EBF2: variants seen among roughly 807,000 people sequenced by gnomAD.
EBF2 encodes transcription factor COE2.
A neutral mutation model predicts 72.8 loss-of-function variants in EBF2; 21 were observed. The observed-to-expected ratio is 0.29, with a 90% CI of 0.20 to 0.42. The LOEUF is 0.42. EBF2 is among the 10% of genes least tolerant of loss of function. The pLI is 1.00. For synonymous variants in EBF2, 299 were observed against 274.2 expected (o/e 1.09, Z -0.89); for missense variants, 637 against 731.2 (o/e 0.87, Z 1.49).
intron 13 of EBF2, among the ~76,000 whole-genome samples, chr8:25,859,609 T>C (rs1440175767): frequency 1.3e-5 from 2 of 152,138 alleles, no homozygotes; most frequent in East Asian, 3.9e-4. Context: ...TTACTGTCTC[T>C]AAAACTATAT....
At chr8:25,859,910 T>C (rs1277586264) in intron 13 of EBF2, among the ~76,000 whole-genome samples, 2 of 151,730 alleles carry the variant, frequency 1.3e-5, no homozygotes, top group Non-Finnish European at 2.9e-5. Flanking sequence ...AGACACAGGG[T>C]TTCACCATGC....
chr8:26,036,364 TA>T (rs1805500724), intron 5 of EBF2, among the ~76,000 whole-genome samples: 1 of 152,130 alleles, frequency 6.6e-6, no homozygotes, highest in South Asian at 2.1e-4. Context: ...TTTCCAACAG[TA>T]ACATATTTAA....
chr8:25,992,165 C>G (rs1458267283), intron 6 of EBF2, among the ~76,000 whole-genome samples: 2 of 151,642 alleles, frequency 1.3e-5, no homozygotes, highest in South Asian at 2.1e-4. Context: ...CAGGTGAAAC[C>G]CTGTCTCTGC....
intron 6 of EBF2, among the ~76,000 whole-genome samples, chr8:25,981,747 G>A (rs1804364624): frequency 6.7e-6 from 1 of 148,764 alleles, no homozygotes; most frequent in Non-Finnish European, 1.5e-5. Flanking sequence ...AGTGAGCTAA[G>A]ATGGCACCAC....
intron 6 of EBF2, among the ~76,000 whole-genome samples, chr8:26,002,694 G>C (rs1804751012): frequency 6.6e-6 from 1 of 152,180 alleles, no homozygotes; most frequent in Admixed American, 6.5e-5. Flanking sequence ...GGAGTGCTGG[G>C]TGAGAAATAA....
At chr8:26,043,713 C>T (rs1805649592) in intron 1 of EBF2, among the ~76,000 whole-genome samples, 1 of 152,188 alleles carries the variant, frequency 6.6e-6, no homozygotes, top group South Asian at 2.1e-4. Context: ...ATCATTTCTC[C>T]GTGTGATGTT....
At chr8:25,968,327 C>A (rs1804144073) in intron 6 of EBF2, among the ~76,000 whole-genome samples, 1 of 151,988 alleles carries the variant, frequency 6.6e-6, no homozygotes, top group South Asian at 2.1e-4. Flanking sequence ...TATGGTATAA[C>A]CATATACTGG....
At chr8:25,981,309 C>T (rs1248901528) in intron 6 of EBF2, among the ~76,000 whole-genome samples, 1 of 152,112 alleles carries the variant, frequency 6.6e-6, no homozygotes, top group Non-Finnish European at 1.5e-5. Flanking sequence ...TCTTCCCTCA[C>T]CTAGCACTGT....
intron 6 of EBF2, among the ~76,000 whole-genome samples, chr8:25,935,856 C>A (rs943109365): frequency 1.3e-5 from 2 of 152,144 alleles, no homozygotes; most frequent in African/African-American, 4.8e-5. Flanking sequence ...TTTAAATATT[C>A]CTTAAAGAGG....
chr8:25,914,575 A>G (rs1230085206), intron 6 of EBF2, among the ~76,000 whole-genome samples: 7 of 152,236 alleles, frequency 4.6e-5, no homozygotes, highest in Non-Finnish European at 8.8e-5. Flanking sequence ...GTTACACCCT[A>G]CAGTAACTTG....
intron 6 of EBF2, chr8:26,032,691 A>C (rs1418315217): frequency 5.4e-6 from 1 of 185,688 alleles, no homozygotes; most frequent in Non-Finnish European, 1.1e-5. Context: ...CTGAATTGAT[A>C]ATCTTCCAGC....
At chr8:25,845,099 C>T (rs1018619006) in intron 15 of EBF2, among the ~76,000 whole-genome samples, 2 of 152,092 alleles carry the variant, frequency 1.3e-5, no homozygotes, top group African/African-American at 4.8e-5. Context: ...AGCTTTTTAT[C>T]TATCCTTCAC....
At chr8:25,950,167 A>G (rs933625535) in intron 6 of EBF2, among the ~76,000 whole-genome samples, 2 of 152,206 alleles carry the variant, frequency 1.3e-5, no homozygotes, top group African/African-American at 4.8e-5. Flanking sequence ...TCCTCCTTTA[A>G]TCACTCACTG....
intron 10 of EBF2, among the ~76,000 whole-genome samples, chr8:25,863,326 G>A (rs895577248): frequency 4.0e-5 from 6 of 151,764 alleles, no homozygotes; most frequent in Non-Finnish European, 7.4e-5. Context: ...TTACACCCAC[G>A]TCTGGTAACT....
intron 7 of EBF2, among the ~76,000 whole-genome samples, chr8:25,902,016 T>A (rs1802961458): frequency 6.6e-6 from 1 of 152,230 alleles, no homozygotes; most frequent in East Asian, 1.9e-4. Context: ...TCAGTAATAT[T>A]GGCTGGGTGC....
chr8:26,032,218 G>A (rs796698417), intron 6 of EBF2: 10 of 152,172 alleles, frequency 6.6e-5, no homozygotes, highest in African/African-American at 2.2e-4. Flanking sequence ...TACTTTCCAC[G>A]AAGAAACCAA....
At chr8:25,864,485 C>CT (rs36163856) in intron 10 of EBF2, among the ~76,000 whole-genome samples, 42,566 of 150,128 alleles carry the variant, frequency 0.28, 6,205 homozygotes, top group South Asian at 0.4. Flanking sequence ...ATTCCAAGAA[C>CT]TGGTAGATAC....
intron 6 of EBF2, among the ~76,000 whole-genome samples, chr8:25,931,746 T>G (rs1803484187): frequency 6.6e-6 from 1 of 152,206 alleles, no homozygotes; most frequent in African/African-American, 2.4e-5. Flanking sequence ...GGGGGAAATG[T>G]AGATCTTCCA....
At chr8:25,883,291 C>G in intron 10 of EBF2, among the ~76,000 whole-genome samples, 1 of 152,168 alleles carries the variant, frequency 6.6e-6, no homozygotes, top group East Asian at 1.9e-4. Context: ...TCAGCTATTG[C>G]TACCTCCTCT....
Sources: gnomAD v4.1 joint callset for allele counts (sites outside exome capture counted in the v4.1 genomes callset) on GRCh38, gnomAD v4.1.1 for gene constraint, MANE v1.5 for transcripts, NCBI Gene and HGNC (gene_info 2026-07-23, HGNC 2026-07-21) for gene names.